RAB38: variants seen among roughly 807,000 people sequenced by gnomAD.
RAB38 encodes RAB38, member RAS oncogene family.
A neutral mutation model predicts 18.4 loss-of-function variants in RAB38; 15 were observed. The ratio of observed to expected loss-of-function variants is 0.82; its 90% CI spans 0.55 to 1.26. The LOEUF (loss-of-function observed/expected upper bound fraction) is 1.26, where lower values mean the gene tolerates loss of function less well. Ranked by LOEUF, RAB38 falls within the 50% of genes most tolerant of loss-of-function variation. The probability of loss-of-function intolerance (pLI) is 0.00; values close to 1 mark genes in which losing one functional copy is unlikely to be tolerated. For synonymous variants in RAB38, 101 were observed against 104.4 expected (o/e 0.97, Z 0.20); for missense variants, 294 against 267.4 (o/e 1.10, Z -0.69).
the RAB38 span, chr11:87,816,903 A>C: frequency 1.3e-5 from 2 of 152,150 alleles, no homozygotes; most frequent in African/African-American, 4.8e-5. Context: ...TGATTCTAAT[A>C]CATACAAAGT....
At chr11:87,845,174 T>C in the RAB38 span, among the ~76,000 whole-genome samples, 5 of 152,076 alleles carry the variant, frequency 3.3e-5, no homozygotes, top group African/African-American at 9.7e-5. Flanking sequence ...CAACCCAAAA[T>C]TACTTGACAT....
At chr11:88,033,725 CTTTT>C in the RAB38 span, among the ~76,000 whole-genome samples, 56 of 101,120 alleles carry the variant, frequency 5.5e-4, no homozygotes, top group Middle Eastern at 8.1e-3. Flanking sequence ...GTTGTGTTGC[CTTTT>C]TTTTTTTTTT....
At chr11:87,946,534 T>TC in the RAB38 span, among the ~76,000 whole-genome samples, 1 of 151,876 alleles carries the variant, frequency 6.6e-6, no homozygotes, top group Non-Finnish European at 1.5e-5. Flanking sequence ...ATGCTATCCC[T>TC]CCCCCCTCGC....
chr11:88,091,326 C>T, the RAB38 span, among the ~76,000 whole-genome samples: 2 of 152,010 alleles, frequency 1.3e-5, no homozygotes. Context: ...GACCTGATAG[C>T]CTACTGGCTG....
chr11:87,936,375 G>T, the RAB38 span, among the ~76,000 whole-genome samples: 2 of 152,054 alleles, frequency 1.3e-5, no homozygotes, highest in Admixed American at 1.3e-4. Flanking sequence ...ATGTCCAATT[G>T]TTCCAACATC....
At chr11:87,918,891 T>G in the RAB38 span, among the ~76,000 whole-genome samples, 1 of 151,310 alleles carries the variant, frequency 6.6e-6, no homozygotes, top group African/African-American at 2.4e-5. Flanking sequence ...CCCATTTGTC[T>G]GTGTTTGCTT....
At chr11:87,884,775 C>T in the RAB38 span, among the ~76,000 whole-genome samples, 1 of 151,904 alleles carries the variant, frequency 6.6e-6, no homozygotes, top group Admixed American at 6.6e-5. Context: ...AGGCCCTGCA[C>T]TTCCATTTTA....
chr11:87,805,343 CATATT>C, the RAB38 span, among the ~76,000 whole-genome samples: 4 of 152,118 alleles, frequency 2.6e-5, no homozygotes, highest in Admixed American at 1.3e-4. Context: ...TACACACACA[CATATT>C]ATATTTTTAT....
the RAB38 span, among the ~76,000 whole-genome samples, chr11:87,976,044 T>A: frequency 6.6e-6 from 1 of 151,020 alleles, no homozygotes; most frequent in Non-Finnish European, 1.5e-5. Context: ...ACGCTATTGC[T>A]GTGAAAGAAA....
chr11:88,101,291 A>T, the RAB38 span, among the ~76,000 whole-genome samples: 5 of 152,144 alleles, frequency 3.3e-5, no homozygotes, highest in South Asian at 1.0e-3. Flanking sequence ...TGATTCAGCA[A>T]TTTAACTTCT....
chr11:87,880,608 G>C, the RAB38 span, among the ~76,000 whole-genome samples: 1 of 151,800 alleles, frequency 6.6e-6, no homozygotes, highest in African/African-American at 2.4e-5. Flanking sequence ...CAGTTTTGGG[G>C]AGAAGAGTCA....
At chr11:88,066,455 G>A in the RAB38 span, among the ~76,000 whole-genome samples, 1 of 152,008 alleles carries the variant, frequency 6.6e-6, no homozygotes, top group Non-Finnish European at 1.5e-5. Context: ...TTTCAATAAT[G>A]TAAAGATAAT....
intron 2 of RAB38, among the ~76,000 whole-genome samples, chr11:88,126,528 A>C (rs1177869495): frequency 1.3e-5 from 2 of 152,128 alleles, no homozygotes; most frequent in African/African-American, 4.8e-5. Context: ...AGGAAGGGGA[A>C]CATCACACAC....
At chr11:87,910,633 C>CTTTTTT in the RAB38 span, among the ~76,000 whole-genome samples, 2 of 131,104 alleles carry the variant, frequency 1.5e-5, no homozygotes, top group Admixed American at 8.2e-5. Context: ...AGTTCATTTT[C>CTTTTTT]TTTTTTTTTT....
At chr11:87,948,207 G>A in the RAB38 span, among the ~76,000 whole-genome samples, 1 of 152,056 alleles carries the variant, frequency 6.6e-6, no homozygotes, top group African/African-American at 2.4e-5. Context: ...GTCTGTTATT[G>A]GTGTATAAGA....
chr11:87,873,922 G>GTGTGTATATATATATATATATATATA, the RAB38 span, among the ~76,000 whole-genome samples: 112 of 103,018 alleles, frequency 1.1e-3, no homozygotes, highest in Admixed American at 2.3e-3. Flanking sequence ...GTGTGTGTGT[G>GTGTGTATATATATATATATATATATA]TATATATATA....
the RAB38 span, among the ~76,000 whole-genome samples, chr11:87,918,447 G>C: frequency 6.6e-6 from 1 of 152,070 alleles, no homozygotes; most frequent in African/African-American, 2.4e-5. Context: ...AATTTTTGAG[G>C]AACTTCCAAA....
At chr11:87,886,316 A>AGT in the RAB38 span, among the ~76,000 whole-genome samples, 17,478 of 149,356 alleles carry the variant, frequency 0.12, 2,034 homozygotes, top group African/African-American at 0.3. Context: ...CTATGTTGTG[A>AGT]GTGTGTGTGT....
the RAB38 span, among the ~76,000 whole-genome samples, chr11:87,918,543 T>C: frequency 2.6e-5 from 4 of 152,114 alleles, no homozygotes; most frequent in Non-Finnish European, 4.4e-5. Flanking sequence ...CCAATACTTC[T>C]TATCATTTGT....
Sources: gnomAD v4.1 joint callset for allele counts (sites outside exome capture counted in the v4.1 genomes callset) on GRCh38, gnomAD v4.1.1 for gene constraint, MANE v1.5 for transcripts, NCBI Gene and HGNC (gene_info 2026-07-23, HGNC 2026-07-21) for gene names.